The following ZNF385D variants were observed in gnomAD, a reference collection of about 807,000 sequenced individuals.
ZNF385D encodes the protein zinc finger protein 385D.
In ZNF385D, 15 loss-of-function variants were observed where a neutral mutation model predicts 35.8. The observed-to-expected ratio is 0.42, with a 90% CI of 0.28 to 0.64. ZNF385D has a LOEUF of 0.64. Among genes scored for constraint, ZNF385D ranks in the 30% least tolerant of loss-of-function variants. The probability of loss-of-function intolerance (pLI) is 0.23; values close to 1 mark genes in which losing one functional copy is unlikely to be tolerated. For missense variants in ZNF385D, 474 were observed against 494.6 expected, an observed-to-expected ratio of 0.96 and a Z score of 0.39; for synonymous variants, 212 against 186.8, an observed-to-expected ratio of 1.13 and a Z score of -1.10.
At chr3:22,034,785 A>T (rs2125489825) in intron 3 of ZNF385D, among the ~76,000 whole-genome samples, 1 of 152,284 alleles carries the variant, frequency 6.6e-6, no homozygotes, top group Admixed American at 6.5e-5. Flanking sequence ...GGCATGGTAG[A>T]ACAGCAATAA....
intron 1 of ZNF385D, among the ~76,000 whole-genome samples, chr3:21,675,785 A>G (rs1270620590): frequency 6.6e-6 from 1 of 152,078 alleles, no homozygotes; most frequent in Non-Finnish European, 1.5e-5. Flanking sequence ...TGTTGAGTCT[A>G]CCAGATAACC....
rs529414098 is a variant in ZNF385D, at chr3:22,344,677, C to T, written c.106+27773G>A. Among the ~76,000 whole-genome samples the T allele has an allele frequency of 3.9e-5, 6 of 152,276 alleles. No homozygotes were observed. In the South Asian group the frequency reaches 1.0e-3, roughly 26 times the overall value. ...GCTCTAGTGTTCTGCCTGCCTCTGT[C>T]TCCCAATGTGCTAGGACTACAGGCA... On this transcript the variant is annotated intron_variant, in intron 2 of 5. Transcript: ENST00000494108.
At position 22,234,484 on chromosome 3, in the gene ZNF385D, A is replaced by AT. The variant is rs573538138; in HGVS notation, c.107-65450dup. ...TCAGCATTCCCTATTAATGCCCTAG[A>AT]TTTTTTTTTTCGTTCCTGAACTTGT... is the stretch of plus-strand genomic sequence containing the variant. On this transcript the variant is annotated intron_variant, in intron 2 of 5. Coordinates refer to the ZNF385D transcript ENST00000494108. Among the ~76,000 whole-genome samples the AT allele has an allele frequency of 3.0e-3, 452 of 150,266 alleles. 2 individuals carry two copies. The highest frequency in any genetic ancestry group is 0.011 in the African/African-American group (433 of 41,056).
At chr3:21,925,058 G>A (rs555296084) in intron 3 of ZNF385D, among the ~76,000 whole-genome samples, 3 of 152,298 alleles carry the variant, frequency 2.0e-5, no homozygotes, top group African/African-American at 4.8e-5. Flanking sequence ...GAAGAACACA[G>A]TAAGGATGCC....
chr3:21,672,449 C>T (rs760700884), intron 1 of ZNF385D, among the ~76,000 whole-genome samples: 1 of 152,114 alleles, frequency 6.6e-6, no homozygotes, highest in South Asian at 2.1e-4. Context: ...CAGCCCTAAT[C>T]CACACAGGAT....
At chr3:22,327,263 TA>T (rs1694721915) in intron 2 of ZNF385D, among the ~76,000 whole-genome samples, 1 of 152,180 alleles carries the variant, frequency 6.6e-6, no homozygotes, top group African/African-American at 2.4e-5. Context: ...ATTCTGTAAA[TA>T]AAACTTTACC....
In ZNF385D at chr3:21,732,030, G is replaced by GTTTT. The variant is rs1214143626; in HGVS notation, c.22+18861_22+18864dup. ...TTCAGGGTTTTTTTCTTTTTTCGGG[G>GTTTT]TTTTTTTTTTTTTTTTTTTTTTTTT... On this transcript the variant is annotated intron_variant, in intron 1 of 7. Transcript: ENST00000281523. Among the ~76,000 whole-genome samples, 50 of 37,392 alleles carry GTTTT rather than the reference G, an allele frequency of 1.3e-3. 1 individual carries two copies. Among genetic ancestry groups the GTTTT allele is most frequent in the Non-Finnish European group, 2.6e-3 (47 of 17,922 alleles). The allele number at this position is 37,392 out of a possible 152,430, so 24.5% of individuals were successfully genotyped here.
At chr3:21,959,937 C>T (rs1702491892) in intron 3 of ZNF385D, among the ~76,000 whole-genome samples, 1 of 149,826 alleles carries the variant, frequency 6.7e-6, no homozygotes, top group Non-Finnish European at 1.5e-5. Context: ...AACTATAAAA[C>T]TGCTAAAAGA....
intron 3 of ZNF385D, among the ~76,000 whole-genome samples, chr3:21,855,755 TAAGTA>T (rs1215118300): frequency 1.3e-5 from 2 of 152,010 alleles, no homozygotes; most frequent in Non-Finnish European, 2.9e-5. Context: ...AGTAATAACT[TAAGTA>T]AACTCCTCTT....
intron 3 of ZNF385D, among the ~76,000 whole-genome samples, chr3:22,017,533 T>G (rs958739714): frequency 6.6e-6 from 1 of 152,156 alleles, no homozygotes; most frequent in Admixed American, 6.5e-5. Flanking sequence ...TATTCTGAGT[T>G]AGATTTATGT....
At chr3:21,807,005 T>C (rs2072681886) in intron 3 of ZNF385D, among the ~76,000 whole-genome samples, 1 of 152,222 alleles carries the variant, frequency 6.6e-6, no homozygotes, top group Non-Finnish European at 1.5e-5. Flanking sequence ...TTTTTCTGAT[T>C]TGAATCCAGT....
chr3:22,363,642 G>C (rs1486527813), intron 2 of ZNF385D, among the ~76,000 whole-genome samples: 1 of 151,980 alleles, frequency 6.6e-6, no homozygotes, highest in East Asian at 1.9e-4. Context: ...CTGCTTCTTT[G>C]GGTCTAATGG....
chr3:21,654,443 T>C (rs2066013103), intron 2 of ZNF385D, among the ~76,000 whole-genome samples: 1 of 152,064 alleles, frequency 6.6e-6, no homozygotes, highest in Non-Finnish European at 1.5e-5. Context: ...AGAAATTACG[T>C]AGCGCTAAAG....
chr3:22,159,043 T>C (rs1474935077), intron 3 of ZNF385D, among the ~76,000 whole-genome samples: 6 of 152,012 alleles, frequency 3.9e-5, no homozygotes, highest in Non-Finnish European at 7.4e-5. Context: ...CTGGAAGATG[T>C]TGTCGGTGGA....
intron 3 of ZNF385D, chr3:22,133,784 T>C (rs1703944000): frequency 1.3e-5 from 2 of 151,776 alleles, no homozygotes; most frequent in Admixed American, 1.3e-4. Flanking sequence ...TGCTCTGCAC[T>C]AAGACAAGCA....
chr3:21,452,523 C>T (rs994693652), intron 4 of ZNF385D, among the ~76,000 whole-genome samples: 7 of 151,908 alleles, frequency 4.6e-5, no homozygotes, highest in African/African-American at 1.7e-4. Flanking sequence ...ACATAGAAAA[C>T]CTTAAAATAT....
intron 1 of ZNF385D, among the ~76,000 whole-genome samples, chr3:21,696,826 C>G (rs1467287237): frequency 6.6e-6 from 1 of 152,210 alleles, no homozygotes; most frequent in African/African-American, 2.4e-5. Flanking sequence ...TTACTGGGAC[C>G]TGAAGGGAGC....
intron 2 of ZNF385D, among the ~76,000 whole-genome samples, chr3:21,620,816 A>G (rs1391616505): frequency 6.6e-6 from 1 of 152,188 alleles, no homozygotes; most frequent in Non-Finnish European, 1.5e-5. Flanking sequence ...CTCTCGAGGC[A>G]GAATTGACAA....
chr3:22,039,255 CAAAAAAAAA>C lies in ZNF385D; in HGVS notation c.325+129553_325+129561del, dbSNP rs376799573. ...CTGTTGATTTGGCTATAATCCAAGC[CAAAAAAAAA>C]AAAAAAAAAGAGTCTATGTATAAGC... is the stretch of plus-strand genomic sequence containing the variant. On this transcript the variant is annotated intron_variant, in intron 3 of 5. Transcript: ENST00000494108. Among the ~76,000 whole-genome samples, 23 of 104,108 alleles carry C rather than the reference CAAAAAAAAA, an allele frequency of 2.2e-4. 1 individual carries two copies. Among genetic ancestry groups the C allele is most frequent in the East Asian group, 2.7e-4 (1 of 3,736 alleles). The allele number at this position is 104,108 out of a possible 152,430, so 68.3% of individuals were successfully genotyped here.
Sources: allele counts gnomAD v4.1 joint callset (sites outside exome capture counted in the v4.1 genomes callset), GRCh38; gene constraint gnomAD v4.1.1; transcripts MANE v1.5; gene names NCBI Gene and HGNC (gene_info 2026-07-23, HGNC 2026-07-21).